MALRD1: variants seen among roughly 807,000 people sequenced by gnomAD.
MALRD1 encodes the protein MAM and LDL receptor class A domain containing 1, also known as MAM and LDL-receptor class A domain-containing protein 1.
A neutral mutation model predicts 242.1 loss-of-function variants in MALRD1; 247 were observed. The observed-to-expected ratio is 1.02, with a 90% CI of 0.92 to 1.13. The LOEUF is 1.13. Ranked by LOEUF, MALRD1 falls within the 50% of genes most tolerant of loss-of-function variation. The pLI is 0.00. For synonymous variants in MALRD1, 995 were observed against 866.6 expected, an observed-to-expected ratio of 1.15 and a Z score of -2.60; for missense variants, 2,989 against 2,533.1, an observed-to-expected ratio of 1.18 and a Z score of -3.86.
In MALRD1 at chr10:19,363,716, A is replaced by T. The variant is rs187901192; in HGVS notation, c.4441+11419A>T. Among the ~76,000 whole-genome samples, 324 of 152,304 alleles carry T rather than the reference A, an allele frequency of 2.1e-3. 2 individuals carry two copies. The highest frequency in any genetic ancestry group is 3.1e-3 in the Non-Finnish European group (208 of 68,038). The stretch of plus-strand genomic sequence containing the variant: ...AAGTGGGAGACATGGGTCTTAAAGG[A>T]TGAATGAGTCTTGATGAGACTAGGA... On this transcript the variant is annotated intron_variant, in intron 26 of 39. Coordinates refer to ENST00000454679, the MANE Select transcript of MALRD1 (RefSeq NM_001142308.3).
chr10:19,613,983 A>G (rs560325319), intron 35 of MALRD1, among the ~76,000 whole-genome samples: 2 of 152,110 alleles, frequency 1.3e-5, no homozygotes, highest in Admixed American at 6.6e-5. Context: ...TCACCCTTAG[A>G]ACATCCATCC....
At chr10:19,232,631 G>A (rs1269318958) in intron 18 of MALRD1, among the ~76,000 whole-genome samples, 2 of 152,036 alleles carry the variant, frequency 1.3e-5, no homozygotes, top group Admixed American at 6.5e-5. Flanking sequence ...CTTGTTGTGG[G>A]CATAAATATT....
At chr10:19,666,182 C>A (rs1272463069) in intron 36 of MALRD1, among the ~76,000 whole-genome samples, 3 of 152,150 alleles carry the variant, frequency 2.0e-5, no homozygotes, top group African/African-American at 7.2e-5. Flanking sequence ...TGATTTGTAT[C>A]TTTTACCTGT....
intron 8 of MALRD1, among the ~76,000 whole-genome samples, chr10:19,129,595 T>C (rs772855828): frequency 6.6e-6 from 1 of 152,056 alleles, no homozygotes; most frequent in Non-Finnish European, 1.5e-5. Context: ...TCCAAGCTTC[T>C]AATCATAGCT....
At chr10:19,383,378 A>C (rs1845920810) in intron 26 of MALRD1, among the ~76,000 whole-genome samples, 1 of 152,152 alleles carries the variant, frequency 6.6e-6, no homozygotes, top group Non-Finnish European at 1.5e-5. Flanking sequence ...CAAATGATAT[A>C]ATCTCATTCT....
At chr10:19,111,224 A>G (rs888825050) in intron 5 of MALRD1, among the ~76,000 whole-genome samples, 2 of 152,224 alleles carry the variant, frequency 1.3e-5, no homozygotes, top group Non-Finnish European at 1.5e-5. Flanking sequence ...ACAGAAGTAC[A>G]AAAGCAATCA....
At chr10:19,291,083 A>C in intron 21 of MALRD1, among the ~76,000 whole-genome samples, 1 of 152,192 alleles carries the variant, frequency 6.6e-6, no homozygotes, top group East Asian at 1.9e-4. Flanking sequence ...CAAAGTTTTA[A>C]GTTCTTGGTC....
intron 28 of MALRD1, among the ~76,000 whole-genome samples, chr10:19,390,128 A>G (rs1314001985): frequency 6.6e-6 from 1 of 152,222 alleles, no homozygotes; most frequent in Non-Finnish European, 1.5e-5. Flanking sequence ...TTATGACTGA[A>G]TCCCAGAGAC....
intron 34 of MALRD1, among the ~76,000 whole-genome samples, chr10:19,599,270 G>C (rs1337567438): frequency 6.6e-6 from 1 of 152,062 alleles, no homozygotes; most frequent in Non-Finnish European, 1.5e-5. Context: ...ATATTTACAG[G>C]CCTTTATTTT....
chr10:19,586,537 C>T (rs905202675), intron 33 of MALRD1, among the ~76,000 whole-genome samples: 6 of 152,116 alleles, frequency 3.9e-5, no homozygotes, highest in Non-Finnish European at 5.9e-5. Context: ...TTAGGCTGCT[C>T]AGGGGTCAGG....
intron 29 of MALRD1, among the ~76,000 whole-genome samples, chr10:19,469,898 A>G (rs6481937): frequency 0.86 from 130,957 of 151,934 alleles, 56,608 homozygotes; most frequent in East Asian, 1. Context: ...AAGGCCATAG[A>G]CATATACCAC....
At chr10:19,648,716 C>T (rs1840748290) in intron 36 of MALRD1, among the ~76,000 whole-genome samples, 1 of 152,140 alleles carries the variant, frequency 6.6e-6, no homozygotes, top group Non-Finnish European at 1.5e-5. Flanking sequence ...ATTGCAGTTA[C>T]CATCTATTTT....
chr10:19,177,278 CA>C (rs34742551), intron 14 of MALRD1, among the ~76,000 whole-genome samples: 1,722 of 113,976 alleles, frequency 0.015, 24 homozygotes, highest in African/African-American at 0.044. Flanking sequence ...AGATTCCTCT[CA>C]AAAAAAAAAA....
chr10:19,321,811 A>G (rs1050388955), intron 21 of MALRD1, among the ~76,000 whole-genome samples: 11 of 152,162 alleles, frequency 7.2e-5, no homozygotes, highest in African/African-American at 2.4e-4. Flanking sequence ...TATGTCAATT[A>G]AAAAGACTTT....
At chr10:19,530,394 A>G (rs1834321952) in intron 31 of MALRD1, among the ~76,000 whole-genome samples, 3 of 47,256 alleles carry the variant, frequency 6.3e-5, no homozygotes, top group Admixed American at 6.5e-4. Flanking sequence ...ATATATTTAT[A>G]TAAATATTAT....
intron 34 of MALRD1, among the ~76,000 whole-genome samples, chr10:19,604,132 C>G (rs1838497253): frequency 6.6e-6 from 1 of 152,148 alleles, no homozygotes; most frequent in African/African-American, 2.4e-5. Flanking sequence ...TTGCTCCAAA[C>G]AGCCAAGTTG....
chr10:19,112,139 A>T lies in MALRD1; in HGVS notation c.694+8064A>T, dbSNP rs902390750. ...GTAAATGGAGCCTGAATTTTAAATA[A>T]GATTCTCAGGATTTTTTTTTTTTTT... On this transcript the variant is annotated intron_variant, in intron 5 of 39. Transcript: ENST00000454679. 3.4e-5 allele frequency among the ~76,000 whole-genome samples: 5 copies of T among 147,140 alleles called. No individual in the cohort carries two copies. In the East Asian group the frequency reaches 9.8e-4, roughly 29 times the overall value.
At chr10:19,339,458 T>C (rs1395302016) in intron 24 of MALRD1, among the ~76,000 whole-genome samples, 1 of 152,168 alleles carries the variant, frequency 6.6e-6, no homozygotes, top group Non-Finnish European at 1.5e-5. Context: ...TATTCAGCTT[T>C]CCACAATATC....
At chr10:19,604,111 A>G (rs1033527060) in intron 34 of MALRD1, among the ~76,000 whole-genome samples, 1 of 152,218 alleles carries the variant, frequency 6.6e-6, no homozygotes, top group Admixed American at 6.5e-5. Flanking sequence ...ATAGGCTGAA[A>G]GCTGGGCCTC....
Sources: allele counts gnomAD v4.1 joint callset (sites outside exome capture counted in the v4.1 genomes callset), GRCh38; gene constraint gnomAD v4.1.1; transcripts MANE v1.5; gene names NCBI Gene and HGNC (gene_info 2026-07-23, HGNC 2026-07-21).